The following IQSEC1 variants were observed in gnomAD, a reference collection of about 807,000 sequenced individuals.
The protein encoded by IQSEC1 is IQ motif and Sec7 domain ArfGEF 1, also known as IQ motif and SEC7 domain-containing protein 1.
In IQSEC1, 31 loss-of-function variants were observed where a neutral mutation model predicts 91.0. That is an observed-to-expected ratio of 0.34 (90% CI 0.26 to 0.46). IQSEC1 has a LOEUF of 0.46. IQSEC1 is among the 20% of genes least tolerant of loss of function. The probability of loss-of-function intolerance (pLI) is 1.00; values close to 1 mark genes in which losing one functional copy is unlikely to be tolerated. For missense variants in IQSEC1, 1,388 were observed against 1,575.6 expected (o/e 0.88, Z 2.02); for synonymous variants, 699 against 662.6 (o/e 1.05, Z -0.84).
intron 1 of IQSEC1, among the ~76,000 whole-genome samples, chr3:12,982,023 T>G (rs146358647): frequency 3.9e-5 from 6 of 152,322 alleles, no homozygotes; most frequent in Non-Finnish European, 5.9e-5. Flanking sequence ...TGAGCTGGAT[T>G]TGGGGCTTCC....
intron 1 of IQSEC1, among the ~76,000 whole-genome samples, chr3:13,037,369 C>T (rs1279394329): frequency 2.6e-5 from 4 of 152,070 alleles, no homozygotes; most frequent in Non-Finnish European, 4.4e-5. Flanking sequence ...TCTGTAATGT[C>T]GAAAAATGGG....
rs764996307 is a variant in IQSEC1 at position 12,992,583 on chromosome 3, C to T, written c.24-50718G>A. Among the ~76,000 whole-genome samples the T allele has an allele frequency of 2.9e-4, 44 of 152,322 alleles. No homozygotes were observed. Among genetic ancestry groups the T allele is most frequent in the Non-Finnish European group, 5.0e-4 (34 of 68,030 alleles). On this transcript the variant is annotated intron_variant, in intron 1 of 13. Transcript: ENST00000613206. This position sits in a 1 kb window ranked among gnomAD's most constrained non-coding sequence, Gnocchi z 4.1. ...CCAATGTGTCCACTGCCTGGTGGAG[C>T]CTGACCACAAAATGAAACGGTGGCT...
rs903333988 is a variant in IQSEC1 at position 13,196,760 on chromosome 3, G to A, written c.273-32627C>T. ...TGTACATGTGTGTGCGTGTGTGTGT[G>A]TGTGTGTGTGTGTGTGTGTGTGTGT... On this transcript the variant is annotated intron_variant, in intron 1 of 15. Transcript: ENST00000648114. 1.3e-4 allele frequency among the ~76,000 whole-genome samples: 6 copies of A among 46,000 alleles called. No homozygotes were observed. The East Asian group carries it at 1.7e-3, about 13-fold the overall frequency. 30.2% of individuals were successfully genotyped at this position (46,000 alleles called of 152,430 possible).
chr3:13,189,498 A>G (rs1693985673), intron 1 of IQSEC1, among the ~76,000 whole-genome samples: 1 of 152,090 alleles, frequency 6.6e-6, no homozygotes, highest in East Asian at 1.9e-4. Flanking sequence ...TACATCTCTC[A>G]TTCCATTCTT....
intron 2 of IQSEC1, among the ~76,000 whole-genome samples, chr3:13,138,497 C>T (rs187278714): frequency 4.7e-4 from 71 of 152,228 alleles, no homozygotes; most frequent in Admixed American, 4.6e-3. Context: ...TGCTGCCCAC[C>T]CACTATCTGT....
intron 1 of IQSEC1, among the ~76,000 whole-genome samples, chr3:13,171,490 G>A (rs192892762): frequency 1.6e-3 from 246 of 152,162 alleles, no homozygotes; most frequent in Non-Finnish European, 1.7e-3. Context: ...GACCTGATCA[G>A]CCCCAACCAC....
intron 1 of IQSEC1, among the ~76,000 whole-genome samples, chr3:13,177,717 C>T (rs932811872): frequency 1.4e-4 from 21 of 152,228 alleles, no homozygotes; most frequent in Admixed American, 7.8e-4. Context: ...TTGCTGTTCA[C>T]GGCCACCCAC....
chr3:13,071,229 C>T (rs1297179498), intron 1 of IQSEC1, among the ~76,000 whole-genome samples: 1 of 151,380 alleles, frequency 6.6e-6, no homozygotes, highest in Non-Finnish European at 1.5e-5. Context: ...AACCCCCACC[C>T]CAGGCTAGTA....
At chr3:12,918,058 G>A (rs1298961611) in intron 6 of IQSEC1, among the ~76,000 whole-genome samples, 2 of 152,230 alleles carry the variant, frequency 1.3e-5, no homozygotes, top group Non-Finnish European at 2.9e-5. Context: ...GCACCAGGCT[G>A]GCTCCAGGAG....
At chr3:13,228,987 C>A (rs1694801403) in intron 1 of IQSEC1, among the ~76,000 whole-genome samples, 1 of 152,232 alleles carries the variant, frequency 6.6e-6, no homozygotes, top group Admixed American at 6.5e-5. Flanking sequence ...CTGTCCGTCT[C>A]TCTTTTCACC....
chr3:13,006,221 G>A (rs1051540754), intron 1 of IQSEC1, among the ~76,000 whole-genome samples: 2 of 152,180 alleles, frequency 1.3e-5, no homozygotes, highest in African/African-American at 2.4e-5. Flanking sequence ...TTGGGCATAC[G>A]ACTTTCCTTT....
chr3:13,259,101 A>G lies in IQSEC1; in HGVS notation c.272+23610T>C, dbSNP rs1343414916. ...AAACTGGACCCTGTCATCCAAGCTC[A>G]AATCTTCCCAATGCTTCCCCACAGC... On this transcript the variant is annotated intron_variant, in intron 1 of 15. Transcript: ENST00000648114. The surrounding 1 kb of genome is among the most constrained non-coding windows in gnomAD (Gnocchi z 4.6). Among the ~76,000 whole-genome samples the G allele has an allele frequency of 1.3e-5, 2 of 152,100 alleles. No homozygotes were observed. Among genetic ancestry groups the G allele is most frequent in the Non-Finnish European group, 2.9e-5 (2 of 68,024 alleles).
chr3:13,182,847 A>C (rs1693867994), intron 1 of IQSEC1, among the ~76,000 whole-genome samples: 1 of 152,232 alleles, frequency 6.6e-6, no homozygotes, highest in African/African-American at 2.4e-5. Context: ...ATAAGATCTC[A>C]AATAAAGATT....
intron 2 of IQSEC1, among the ~76,000 whole-genome samples, chr3:13,110,538 G>A (rs556895085): frequency 1.3e-4 from 20 of 152,258 alleles, no homozygotes; most frequent in East Asian, 7.8e-4. Flanking sequence ...GCAGCGAGCC[G>A]AGATCGCGCC....
At position 12,915,040 on chromosome 3, in the gene IQSEC1, G is replaced by T; in HGVS notation, c.2190+64C>A. ...GGGAGCCTGGGGAGCCGGCGGACTG[G>T]CTGATGCTGGGCCTCCCCAGGGCGG... On this transcript the variant is annotated intron_variant, in intron 8 of 13. Transcript: ENST00000613206. The T allele has an allele frequency of 3.9e-6, 6 of 1,534,446 alleles. No individual in the cohort carries two copies. The South Asian group carries it at 7.1e-5, about 18-fold the overall frequency.
chr3:12,989,934 G>C (rs1701911662), intron 1 of IQSEC1, among the ~76,000 whole-genome samples: 1 of 152,182 alleles, frequency 6.6e-6, no homozygotes. Flanking sequence ...GTGACAGACA[G>C]AGACCCCAGC....
At chr3:13,275,374 T>C (rs1695659292) in intron 1 of IQSEC1, among the ~76,000 whole-genome samples, 1 of 152,210 alleles carries the variant, frequency 6.6e-6, no homozygotes, top group Non-Finnish European at 1.5e-5. Context: ...GGGGCCAGTC[T>C]TGTCCACCAG....
At chr3:13,037,259 A>T (rs927904940) in intron 1 of IQSEC1, among the ~76,000 whole-genome samples, 1 of 152,198 alleles carries the variant, frequency 6.6e-6, no homozygotes, top group Non-Finnish European at 1.5e-5. Context: ...TAAGCCCAGG[A>T]AAGTTGAAGA....
intron 1 of IQSEC1, among the ~76,000 whole-genome samples, chr3:13,267,120 G>C (rs1057452482): frequency 2.0e-5 from 3 of 152,210 alleles, no homozygotes; most frequent in Non-Finnish European, 4.4e-5. Context: ...CATGAGGGCA[G>C]AGCCCTCCTG....
Sources: allele counts gnomAD v4.1 joint callset (sites outside exome capture counted in the v4.1 genomes callset), GRCh38; gene constraint gnomAD v4.1.1; non-coding constraint Gnocchi (gnomAD v3.1); transcripts MANE v1.5; gene names NCBI Gene and HGNC (gene_info 2026-07-23, HGNC 2026-07-21).